THUMPD2: variants seen among roughly 807,000 people sequenced by gnomAD.
THUMPD2 encodes U6 snRNA (guanine-N(2))-methyltransferase THUMPD2.
A neutral mutation model predicts 49.4 loss-of-function variants in THUMPD2; 56 were observed. The ratio of observed to expected loss-of-function variants is 1.13; its 90% CI spans 0.91 to 1.41. The LOEUF (loss-of-function observed/expected upper bound fraction) is 1.41, where lower values mean the gene tolerates loss of function less well. Ranked by LOEUF, THUMPD2 falls within the 40% of genes most tolerant of loss-of-function variation. THUMPD2 has a pLI of 0.00. For synonymous variants in THUMPD2, 237 were observed against 205.2 expected, an observed-to-expected ratio of 1.15 and a Z score of -1.32; for missense variants, 709 against 594.5, an observed-to-expected ratio of 1.19 and a Z score of -2.00.
intron 9 of THUMPD2, among the ~76,000 whole-genome samples, chr2:39,743,834 C>G (rs1338205336): frequency 2.0e-5 from 3 of 152,172 alleles, no homozygotes; most frequent in African/African-American, 7.2e-5. Flanking sequence ...TACAAATTCT[C>G]TAGCCTCCAG....
intron 8 of THUMPD2, among the ~76,000 whole-genome samples, chr2:39,751,843 A>G (rs1675450501): frequency 1.3e-5 from 2 of 151,952 alleles, no homozygotes; most frequent in African/African-American, 2.4e-5. Context: ...ACGCCTGGCT[A>G]ATTTTTTTTG....
chr2:39,761,303 T>A lies in THUMPD2; in HGVS notation c.891+28A>T, dbSNP rs757138742. On this transcript the variant is annotated intron_variant, in intron 6 of 9. Coordinates refer to ENST00000505747, the MANE Select transcript of THUMPD2 (RefSeq NM_025264.5). ...GTTAATTATGAAAAGAACCTTGCTA[T>A]TAACAGGAAGGAAAACATTTTTCTT... 2.5e-6 allele frequency: 4 copies of A among 1,601,092 alleles called. No individual in the cohort carries two copies. In the African/African-American group the frequency reaches 5.4e-5, roughly 21 times the overall value.
intron 8 of THUMPD2, among the ~76,000 whole-genome samples, chr2:39,754,027 A>G (rs573001544): frequency 5.9e-5 from 9 of 152,284 alleles, no homozygotes; most frequent in South Asian, 4.2e-4. Context: ...AATGCCCCCT[A>G]AAGTGAAAAT....
chr2:39,769,743 G>A lies in THUMPD2; in HGVS notation c.639C>T (p.Cys213=), dbSNP rs768075408. ...NDLTFRVSCR[C]SGTIGKAFTA... is the part of the protein sequence containing the mutation. ...TGAAGGCCTTTCCAATAGTTCCACT[G>A]CAGCGACAAGATACTCTGAAAGTCA... Residue 213 remains cysteine, a synonymous_variant, in exon 3 of 10, where the codon TGC becomes TGT. Coordinates refer to ENST00000505747, the MANE Select transcript of THUMPD2 (RefSeq NM_025264.5). 7 of 1,582,080 alleles carry A rather than the reference G, an allele frequency of 4.4e-6. No individual in the cohort carries two copies. The highest frequency in any genetic ancestry group is 8.6e-7 in the Non-Finnish European group (1 of 1,169,488).
rs1677478856 is a variant in THUMPD2 at position 39,766,104 on chromosome 2, A to G, written c.756T>C (p.Phe252=). Residue 252 remains phenylalanine, a synonymous_variant, in exon 5 of 10, where the codon TTT becomes TTC. Transcript: ENST00000505747. Reference sequence around the variant, plus strand: ...CAGAGTAAATGTCATTTAGATGTATAAAGATCTGAAAGAACAAACACAGAA... The same window carrying G: ...CAGAGTAAATGTCATTTAGATGTATGAAGATCTGAAAGAACAAACACAGAA... ...ADLRNPQLEI[F]IHLNDIYSVV... is the part of the protein sequence containing the mutation. The G allele has an allele frequency of 1.3e-6, 2 of 1,572,914 alleles. No individual in the cohort carries two copies. Among genetic ancestry groups the G allele is most frequent in the Non-Finnish European group, 1.7e-6 (2 of 1,165,594 alleles).
chr2:39,775,198 G>A (rs1365407353), intron 1 of THUMPD2, among the ~76,000 whole-genome samples: 1 of 152,138 alleles, frequency 6.6e-6, no homozygotes, highest in Admixed American at 6.5e-5. Flanking sequence ...AGGATTGCTT[G>A]AGCCGGGGAA....
At chr2:39,778,377 T>C (rs1206672631) in intron 1 of THUMPD2, among the ~76,000 whole-genome samples, 1 of 152,248 alleles carries the variant, frequency 6.6e-6, no homozygotes, top group Non-Finnish European at 1.5e-5. Flanking sequence ...ACTCCTTTTG[T>C]GGGCTTCCCA....
intron 9 of THUMPD2, among the ~76,000 whole-genome samples, chr2:39,741,635 A>G (rs987683013): frequency 1.3e-5 from 2 of 152,206 alleles, no homozygotes; most frequent in Non-Finnish European, 2.9e-5. Context: ...ACATTAAAGG[A>G]GGAAATAATT....
At chr2:39,747,386 T>A (rs1207644687) in intron 8 of THUMPD2, among the ~76,000 whole-genome samples, 1 of 152,160 alleles carries the variant, frequency 6.6e-6, no homozygotes, top group African/African-American at 2.4e-5. Context: ...AAGCTTTCAA[T>A]GAAATTTTGA....
chr2:39,761,490 C>A, intron 5 of THUMPD2, 72 bp from the exon 6 acceptor site: 1 of 1,340,568 alleles, frequency 7.5e-7, no homozygotes, highest in South Asian at 1.2e-5. Flanking sequence ...TTTACCTGTC[C>A]AAATCTGAGA....
chr2:39,764,007 T>C (rs946636430), intron 5 of THUMPD2, among the ~76,000 whole-genome samples: 1 of 152,262 alleles, frequency 6.6e-6, no homozygotes, highest in Non-Finnish European at 1.5e-5. Context: ...TTATACCTTG[T>C]GCCTTTGCAC....
At chr2:39,765,266 T>G (rs986116297) in intron 5 of THUMPD2, among the ~76,000 whole-genome samples, 1 of 152,088 alleles carries the variant, frequency 6.6e-6, no homozygotes, top group African/African-American at 2.4e-5. Flanking sequence ...TTCAAGTGAT[T>G]CTCCTGCCTC....
At chr2:39,738,942 C>T (rs892591159) in intron 9 of THUMPD2, among the ~76,000 whole-genome samples, 2 of 151,992 alleles carry the variant, frequency 1.3e-5, no homozygotes, top group Admixed American at 6.6e-5. Context: ...GGGGAATCTG[C>T]CTCATGCCCA....
In THUMPD2 at chr2:39,779,256, C is replaced by T. The variant is rs1453593921; in HGVS notation, c.-17G>A. 2.7e-5 allele frequency: 40 copies of T among 1,472,410 alleles called. No homozygotes were observed. Among genetic ancestry groups the T allele is most frequent in the Non-Finnish European group, 3.1e-5 (35 of 1,120,142 alleles). The allele number at this position is 1,472,410 out of a possible 1,614,324, so 91.2% of individuals were successfully genotyped here. ...CTCCGACATGGCGGCTCAGGCGCGC[C>T]CTCGCGCCTTCGGGTCACGTGGCCT... is the stretch of plus-strand genomic sequence containing the variant. On this transcript the variant is annotated 5_prime_UTR_variant, in exon 1 of 10. Coordinates refer to ENST00000505747, the MANE Select transcript of THUMPD2 (RefSeq NM_025264.5).
chr2:39,740,384 G>A (rs1311594381), intron 9 of THUMPD2, among the ~76,000 whole-genome samples: 2 of 152,150 alleles, frequency 1.3e-5, no homozygotes, highest in Non-Finnish European at 2.9e-5. Flanking sequence ...AAAAAGCAAT[G>A]CTACAGTACA....
At chr2:39,756,091 C>A (rs1399493501) in intron 6 of THUMPD2, 131 bp from the exon 7 acceptor site, 1 of 769,170 alleles carries the variant, frequency 1.3e-6, no homozygotes, top group South Asian at 1.7e-5. Flanking sequence ...GCTGAAGGGA[C>A]AGATGGGTTC....
chr2:39,748,517 A>C (rs1674908478), intron 8 of THUMPD2, among the ~76,000 whole-genome samples: 1 of 151,996 alleles, frequency 6.6e-6, no homozygotes, highest in Non-Finnish European at 1.5e-5. Context: ...CCTGGCCAAC[A>C]TGGTGAAACC....
chr2:39,779,190 C>T lies in THUMPD2; in HGVS notation c.50G>A (p.Arg17Gln). The change falls in exon 1 of 10, where the codon CGA becomes CAA. Residue 17 changes from arginine to glutamine, a missense_variant. Transcript: ENST00000505747. Reference protein sequence around the residue: ...EPGSGPEAGARFFCTAGRGLE... With the variant: ...EPGSGPEAGAQFFCTAGRGLE... ...GCCGCGACCCGCAGTGCAGAAGAAT[C>T]GGGCGCCAGCCTCAGGCCCGGACCC... 6.6e-7 allele frequency: 1 copy of T among 1,518,124 alleles called. No homozygotes were observed. Among genetic ancestry groups the T allele is most frequent in the Non-Finnish European group, 8.8e-7 (1 of 1,138,568 alleles). 94.0% of individuals were successfully genotyped at this position (1,518,124 alleles called of 1,614,324 possible).
chr2:39,769,403 A>T, intron 3 of THUMPD2: 1 of 269,190 alleles, frequency 3.7e-6, no homozygotes, highest in Non-Finnish European at 7.0e-6. Flanking sequence ...TTAATTCTTT[A>T]AAAAATGGGA....
Sources: gnomAD v4.1 joint callset for allele counts (sites outside exome capture counted in the v4.1 genomes callset) on GRCh38, gnomAD v4.1.1 for gene constraint, MANE v1.5 for transcripts, NCBI Gene and HGNC (gene_info 2026-07-23, HGNC 2026-07-21) for gene names.